Variants in PPP4R1 observed in about 807,000 individuals in gnomAD.
The protein encoded by PPP4R1 is serine/threonine-protein phosphatase 4 regulatory subunit 1.
PPP4R1 carries 42 observed loss-of-function variants against 111.2 expected under a neutral mutation model. The observed-to-expected ratio is 0.38, with a 90% CI of 0.29 to 0.49. The LOEUF (loss-of-function observed/expected upper bound fraction) is 0.49, where lower values mean the gene tolerates loss of function less well. Among genes scored for constraint, PPP4R1 ranks in the 20% least tolerant of loss-of-function variants. PPP4R1 has a pLI of 0.97. For missense variants in PPP4R1, 1,012 were observed against 1,161.6 expected, an observed-to-expected ratio of 0.87 and a Z score of 1.87; for synonymous variants, 409 against 405.5, an observed-to-expected ratio of 1.01 and a Z score of -0.10.
intron 13 of PPP4R1, among the ~76,000 whole-genome samples, chr18:9,560,216 A>G (rs2066651130): frequency 6.6e-6 from 1 of 152,128 alleles, no homozygotes; most frequent in African/African-American, 2.4e-5. Flanking sequence ...GGGAGGTGGA[A>G]GCTGCAGTGA....
At chr18:9,606,281 G>A (rs981647435) in intron 2 of PPP4R1, among the ~76,000 whole-genome samples, 5 of 152,154 alleles carry the variant, frequency 3.3e-5, no homozygotes, top group Admixed American at 1.3e-4. Context: ...TACAGCCAGC[G>A]AGCCAAACTG....
chr18:9,610,080 T>C (rs2067551647), intron 2 of PPP4R1, among the ~76,000 whole-genome samples: 1 of 152,270 alleles, frequency 6.6e-6, no homozygotes, highest in Admixed American at 6.5e-5. Flanking sequence ...TGATAAAAGC[T>C]TAAGTTCTAA....
At chr18:9,557,012 T>C (rs765704996) in intron 15 of PPP4R1, 1 of 410,014 alleles carries the variant, frequency 2.4e-6, no homozygotes, top group Non-Finnish European at 4.2e-6. Context: ...AAGATACAAA[T>C]GTCTGTAAAC....
At chr18:9,569,940 G>C (rs1269355726) in intron 11 of PPP4R1, among the ~76,000 whole-genome samples, 2 of 151,940 alleles carry the variant, frequency 1.3e-5, no homozygotes, top group Non-Finnish European at 2.9e-5. Flanking sequence ...TGTAGAGATG[G>C]GGTCTTACTA....
chr18:9,586,248 C>A (rs541186784), intron 6 of PPP4R1, among the ~76,000 whole-genome samples: 2 of 151,754 alleles, frequency 1.3e-5, no homozygotes, highest in East Asian at 3.9e-4. Context: ...GTAAGAGAAT[C>A]ATAAGACTCC....
rs2067063066 is a variant in PPP4R1, at chr18:9,583,363, CTTTT to C, written c.760-92_760-89del. 12 of 1,269,544 alleles carry C rather than the reference CTTTT, an allele frequency of 9.5e-6. No homozygotes were observed. In the South Asian group the frequency reaches 2.1e-4, roughly 23 times the overall value. 78.6% of individuals were successfully genotyped at this position (1,269,544 alleles called of 1,614,324 possible). A position where few individuals can be genotyped will look rare whatever the true frequency, so the allele number is the denominator to read the frequency against. On this transcript the variant is annotated intron_variant, in intron 8 of 19. Coordinates refer to ENST00000400556, the MANE Select transcript of PPP4R1 (RefSeq NM_001042388.3). Reference sequence around the variant, plus strand: ...GCTTTCATTTTCTGCTTTCACGCTTCTTTTGTTTGTTTGTTTGTTTTGAGACAGA... The same window carrying C: ...GCTTTCATTTTCTGCTTTCACGCTTCGTTTGTTTGTTTGTTTTGAGACAGA...
chr18:9,575,601 G>T (rs1256307910), intron 10 of PPP4R1, among the ~76,000 whole-genome samples: 1 of 152,114 alleles, frequency 6.6e-6, no homozygotes, highest in Non-Finnish European at 1.5e-5. Context: ...CATTACAATG[G>T]AAGAAGAATC....
At chr18:9,615,615 G>A (rs2067679488), upstream of PPP4R1, among the ~76,000 whole-genome samples, 1 of 152,172 alleles carries the variant, frequency 6.6e-6, no homozygotes, top group Non-Finnish European at 1.5e-5. Context: ...TTTCCGACAC[G>A]ATTCTACCTC....
intron 14 of PPP4R1, among the ~76,000 whole-genome samples, chr18:9,558,145 TAAAGAG>T (rs1437637107): frequency 6.6e-6 from 1 of 152,318 alleles, no homozygotes; most frequent in East Asian, 1.9e-4. Context: ...AAATTTTACC[TAAAGAG>T]AAACAGTTTA....
chr18:9,549,083 C>G, intron 19 of PPP4R1, 114 bp downstream of exon 19: 1 of 1,322,348 alleles, frequency 7.6e-7, no homozygotes. Context: ...TTTCCTTCCA[C>G]CAGATTATTT....
intron 10 of PPP4R1, among the ~76,000 whole-genome samples, chr18:9,573,202 C>T (rs1483035953): frequency 3.3e-5 from 5 of 152,048 alleles, no homozygotes; most frequent in Admixed American, 2.6e-4. Context: ...ATTAGTGGGC[C>T]AATTGGTAAA....
chr18:9,570,366 G>C lies in PPP4R1; in HGVS notation c.1364C>G (p.Ser455Cys), dbSNP rs1406064896. The C allele has an allele frequency of 1.9e-6, 3 of 1,613,162 alleles. No homozygotes were observed. Among genetic ancestry groups the C allele is most frequent in the South Asian group, 2.2e-5 (2 of 90,932 alleles). ...SALLDQELYN[S>C]FHFWRTPLPE... ...AAGAGGAGTCCTCCAGAAATGGAAGGAGTTATACAATTCCTGATCTAAGAG... is the reference window on the plus strand; with the variant it reads ...AAGAGGAGTCCTCCAGAAATGGAAGCAGTTATACAATTCCTGATCTAAGAG... Residue 455 changes from serine to cysteine, a missense_variant, in exon 11 of 20, where the codon TCC becomes TGC. Ser to Cys is a moderately radical substitution (Grantham distance 112). Around this residue, in one of 2 missense-constraint regions of PPP4R1, gnomAD observed 707 missense variants for 742.1 expected, o/e 0.95. Transcript: ENST00000400556.
At chr18:9,615,101 C>A (rs1247017853), upstream of PPP4R1, 1 of 152,316 alleles carries the variant, frequency 6.6e-6, no homozygotes, top group East Asian at 1.9e-4. Context: ...GCGCCGCCTC[C>A]CCACCCGCCC....
chr18:9,608,422 TCATATCAATAAGG>T (rs1218802463), intron 2 of PPP4R1, among the ~76,000 whole-genome samples: 2 of 152,182 alleles, frequency 1.3e-5, no homozygotes, highest in Non-Finnish European at 2.9e-5. Flanking sequence ...CCAACCACAT[TCATATCAATAAGG>T]CCAGAAAGTA....
intron 4 of PPP4R1, among the ~76,000 whole-genome samples, chr18:9,591,823 T>C (rs950942304): frequency 2.0e-5 from 3 of 152,238 alleles, no homozygotes; most frequent in East Asian, 3.9e-4. Flanking sequence ...TCTCAGCACT[T>C]TGGGAGCTTG....
intron 8 of PPP4R1, 92 bp from the exon 9 acceptor site, chr18:9,583,367 T>G: frequency 8.7e-7 from 1 of 1,149,542 alleles, no homozygotes; most frequent in South Asian, 2.1e-5. Flanking sequence ...ACGCTTCTTT[T>G]GTTTGTTTGT....
In PPP4R1 at chr18:9,583,111, C is replaced by T; in HGVS notation, c.918+6G>A. On this transcript the variant is annotated splice_donor_region_variant and intron_variant, in intron 9 of 19. Transcript: ENST00000400556. ...TATTTTACAAAAGTGATAATCAAAA[C>T]CCTACCCAACGTGAAGGATCACTGA... The T allele has an allele frequency of 6.2e-7, 1 of 1,601,488 alleles. No individual in the cohort carries two copies. Among genetic ancestry groups the T allele is most frequent in the Non-Finnish European group, 8.5e-7 (1 of 1,171,792 alleles).
chr18:9,570,790 A>G, intron 10 of PPP4R1, 107 bp from the exon 11 acceptor site: 1 of 1,204,488 alleles, frequency 8.3e-7, no homozygotes, highest in Non-Finnish European at 1.1e-6. Context: ...TAAACATTAA[A>G]AATTACGGAT....
chr18:9,586,661 T>A (rs1227713890), intron 6 of PPP4R1, among the ~76,000 whole-genome samples: 1 of 152,086 alleles, frequency 6.6e-6, no homozygotes, highest in South Asian at 2.1e-4. Context: ...TTACTGATGA[T>A]CCAGAAGCAC....
Sources: gnomAD v4.1 joint callset for allele counts (sites outside exome capture counted in the v4.1 genomes callset) on GRCh38, gnomAD v4.1.1 for gene constraint, gnomAD v4.1.1 regional missense constraint, MANE v1.5 for transcripts, NCBI Gene and HGNC (gene_info 2026-07-23, HGNC 2026-07-21) for gene names.